CHRNA3: variants seen among roughly 807,000 people sequenced by gnomAD.
The protein encoded by CHRNA3 is cholinergic receptor nicotinic alpha 3 subunit.
CHRNA3 carries 34 observed loss-of-function variants against 41.9 expected under a neutral mutation model. The observed-to-expected ratio is 0.81, with a 90% CI of 0.62 to 1.08. The LOEUF (loss-of-function observed/expected upper bound fraction) is 1.08. CHRNA3 is among the 50% of genes least tolerant of loss of function. The pLI is 0.00. For missense variants in CHRNA3, 542 were observed against 638.3 expected (o/e 0.85, Z 1.63); for synonymous variants, 281 against 265.2 (o/e 1.06, Z -0.58).
At chr15:78,617,913 C>G (rs1471495975) in intron 3 of CHRNA3, among the ~76,000 whole-genome samples, 1 of 152,174 alleles carries the variant, frequency 6.6e-6, no homozygotes, top group Non-Finnish European at 1.5e-5. Context: ...AAATCTACTC[C>G]CACGCTACCA....
chr15:78,613,058 G>A (rs935408253), intron 4 of CHRNA3, among the ~76,000 whole-genome samples: 1 of 152,098 alleles, frequency 6.6e-6, no homozygotes, highest in Non-Finnish European at 1.5e-5. Context: ...ATCATTAAAA[G>A]GTCAGGAAAC....
At chr15:78,602,457 C>T (rs971896206) in intron 4 of CHRNA3, among the ~76,000 whole-genome samples, 193 bp from the exon 5 acceptor site, 2 of 152,216 alleles carry the variant, frequency 1.3e-5, no homozygotes, top group Non-Finnish European at 2.9e-5. Context: ...AGCTCCCTCC[C>T]CAACAACAAT....
chr15:78,616,870 T>C (rs1229746437), intron 4 of CHRNA3, among the ~76,000 whole-genome samples, 154 bp downstream of exon 4: 2 of 152,232 alleles, frequency 1.3e-5, no homozygotes, highest in Non-Finnish European at 2.9e-5. Context: ...GTACCTGGTA[T>C]GTAGTAGTTG....
At chr15:78,597,979 C>T (rs6495307) in intron 5 of CHRNA3, among the ~76,000 whole-genome samples, 58,892 of 151,870 alleles carry the variant, frequency 0.39, 11,786 homozygotes, top group Non-Finnish European at 0.42. Context: ...TGAGGTACTT[C>T]ATTTGAATTC....
chr15:78,596,175 T>G lies in CHRNA3; in HGVS notation c.*429A>C. ...GTAAGAAATGGGTAACGATGGGGGA[T>G]TGCTGAATTAGTATAAACCTTCAAA... On this transcript the variant is annotated 3_prime_UTR_variant, in exon 6 of 6. Coordinates refer to ENST00000326828, the MANE Select transcript of CHRNA3 (RefSeq NM_000743.5). 2 of 985,468 alleles carry G rather than the reference T, an allele frequency of 2.0e-6. No individual in the cohort carries two copies. Among genetic ancestry groups the G allele is most frequent in the Non-Finnish European group, 2.4e-6 (2 of 830,224 alleles). The allele number at this position is 985,468 out of a possible 1,614,324, so 61.0% of individuals were successfully genotyped here.
intron 5 of CHRNA3, among the ~76,000 whole-genome samples, chr15:78,599,150 AT>A (rs969516588): frequency 7.3e-5 from 11 of 151,316 alleles, no homozygotes; most frequent in Non-Finnish European, 1.5e-4. Flanking sequence ...TGATTTTTAA[AT>A]TTTTTTTGTA....
In CHRNA3 at chr15:78,602,176, T is replaced by G. The variant is rs1270313441; in HGVS notation, c.466A>C (p.Lys156Gln). The G allele has an allele frequency of 6.2e-7, 1 of 1,614,106 alleles. No individual in the cohort carries two copies. Among genetic ancestry groups the G allele is most frequent in the Non-Finnish European group, 8.5e-7 (1 of 1,180,002 alleles). Residue 156 changes from lysine to glutamine, a missense_variant, in exon 5 of 6, where the codon AAG (lysine) becomes CAG (glutamine). Coordinates refer to ENST00000326828, the MANE Select transcript of CHRNA3 (RefSeq NM_000743.5). Reference protein sequence around the residue: ...EVTWIPPAIFKSSCKIDVTYF... With the variant: ...EVTWIPPAIFQSSCKIDVTYF... ...GTCACGTCGATTTTACAGGAGCTCT[T>G]AAAGATGGCCGGAGGTATCCAAGTC... is the stretch of plus-strand genomic sequence containing the variant.
At chr15:78,595,168 G>T, downstream of CHRNA3, 1 of 421,146 alleles carries the variant, frequency 2.4e-6, no homozygotes, top group Non-Finnish European at 3.2e-6. Flanking sequence ...GATGAATTTA[G>T]ATTGCCTGCC....
At position 78,613,779 on chromosome 15, in the gene CHRNA3, A is replaced by C. The variant is rs1261537463; in HGVS notation, c.377+3245T>G. On this transcript the variant is annotated intron_variant, in intron 4 of 5. Coordinates refer to ENST00000326828, the MANE Select transcript of CHRNA3 (RefSeq NM_000743.5). ...TGGCAAACAAACAAAAAAAAAACCA[A>C]AAAAAACCACAAAAAAATTAGCCAG... Among the ~76,000 whole-genome samples the C allele has an allele frequency of 4.3e-4, 10 of 23,070 alleles. No homozygotes were observed. The East Asian group carries it at 0.023, about 54-fold the overall frequency. The allele number at this position is 23,070 out of a possible 152,430, so 15.1% of individuals were successfully genotyped here.
rs761120451 is a variant in CHRNA3, at chr15:78,596,669, G to A, written c.1453C>T (p.Leu485=). Residue 485 remains leucine, a synonymous_variant, in exon 6 of 6, where the codon CTG becomes TTG. Coordinates refer to ENST00000326828, the MANE Select transcript of CHRNA3 (RefSeq NM_000743.5). ...CCTGCTGTCCCTAGAATGCACACCAGGGTGAAAACCCACAGAAAAATACGA... is the reference window on the plus strand; with the variant it reads ...CCTGCTGTCCCTAGAATGCACACCAAGGTGAAAACCCACAGAAAAATACGA... The part of the protein sequence containing the change: ...IDRIFLWVFT[L]VCILGTAGLF... The A allele has an allele frequency of 6.2e-7, 1 of 1,613,126 alleles. No individual in the cohort carries two copies. The highest frequency in any genetic ancestry group is 8.5e-7 in the Non-Finnish European group (1 of 1,179,880).
chr15:78,613,732 TTAAA>T (rs1435488931), intron 4 of CHRNA3, among the ~76,000 whole-genome samples: 1 of 143,602 alleles, frequency 7.0e-6, no homozygotes, highest in African/African-American at 2.6e-5. Context: ...ATAATAAAAT[TTAAA>T]AAAAAACTGT....
rs1471159854 is a variant in CHRNA3 at position 78,618,713 on chromosome 15, T to C, written c.223-52A>G. On this transcript the variant is annotated intron_variant, in intron 2 of 5. Transcript: ENST00000326828. ...GAGAATTACAAAACAAGACTAATTC[T>C]GGGAAAGGCTCCTCCAGAAGCCCCG... 5 of 1,614,168 alleles carry C rather than the reference T, an allele frequency of 3.1e-6. No individual in the cohort carries two copies. In the East Asian group the frequency reaches 1.1e-4, roughly 36 times the overall value.
At chr15:78,601,219 T>C (rs1471585007) in intron 5 of CHRNA3, 34 bp downstream of exon 5, 2 of 1,592,664 alleles carry the variant, frequency 1.3e-6, no homozygotes, top group Non-Finnish European at 1.7e-6. Flanking sequence ...GTTGAATGAA[T>C]GAATGACCAA....
intron 1 of CHRNA3, chr15:78,619,183 A>G (rs2053512254): frequency 3.9e-6 from 2 of 516,340 alleles, no homozygotes; most frequent in Admixed American, 3.4e-5. Context: ...ATCTGGTGCA[A>G]ATCCTGACAA....
Position 78,601,466 on chromosome 15 carries a change from C to CT in CHRNA3, c.1175dup (p.Glu393GlyfsTer26), listed in dbSNP as rs1286867154. The CT allele has an allele frequency of 3.7e-6, 6 of 1,614,172 alleles. No individual in the cohort carries two copies. Among genetic ancestry groups the CT allele is most frequent in the Non-Finnish European group, 5.1e-6 (6 of 1,180,038 alleles). The stretch of plus-strand genomic sequence containing the variant: ...TCCCGTCCTGGCAGGGGTAGCCCTC[C>CT]TTGCAGCCTTTGGACTCTGCGCGGC... On this transcript the variant is annotated frameshift_variant, in exon 5 of 6. Transcript: ENST00000326828. LOFTEE classifies it high-confidence loss of function.
downstream of CHRNA3, chr15:78,595,227 A>G: frequency 1.1e-6 from 1 of 928,084 alleles, no homozygotes; most frequent in Non-Finnish European, 1.3e-6. Context: ...TTATACTACC[A>G]TTACTGTTAC....
At chr15:78,607,586 G>C (rs1356110549) in intron 4 of CHRNA3, 1 of 149,392 alleles carries the variant, frequency 6.7e-6, no homozygotes, top group Non-Finnish European at 1.5e-5. Flanking sequence ...AAAAAATTCG[G>C]GTGGAGCCAA....
In CHRNA3 at chr15:78,616,360, A is replaced by G. The variant is rs866878935; in HGVS notation, c.377+664T>C. Among the ~76,000 whole-genome samples, 6 of 56,888 alleles carry G rather than the reference A, an allele frequency of 1.1e-4. No individual in the cohort carries two copies. In the East Asian group the frequency reaches 2.2e-3, roughly 21 times the overall value. The allele number at this position is 56,888 out of a possible 152,430, so 37.3% of individuals were successfully genotyped here. The stretch of plus-strand genomic sequence containing the variant: ...AGTAAGACTCAGTCTTCCCCCCCCC[A>G]CCCCCCCAAAAAAAAAGCTCCTTGG... On this transcript the variant is annotated intron_variant, in intron 4 of 5. Transcript: ENST00000326828.
Position 78,618,864 on chromosome 15 carries a change from T to C in CHRNA3, c.134A>G (p.Asp45Gly). 5 of 1,614,048 alleles carry C rather than the reference T, an allele frequency of 3.1e-6. No individual in the cohort carries two copies. The highest frequency in any genetic ancestry group is 4.2e-6 in the Non-Finnish European group (5 of 1,180,014). ...TACAGGCCGGATGATCTCATTGTAA[T>C]CTTCAAACAGCCGCTCAAATAGACG... ...EHRLFERLFE[D>G]YNEIIRPVAN... The change falls in exon 2 of 6, where the codon GAT becomes GGT. Residue 45 changes from aspartate to glycine, a missense_variant. Transcript: ENST00000326828.
Sources: gnomAD v4.1 joint callset for allele counts (sites outside exome capture counted in the v4.1 genomes callset) on GRCh38, gnomAD v4.1.1 for gene constraint, MANE v1.5 for transcripts, NCBI Gene and HGNC (gene_info 2026-07-23, HGNC 2026-07-21) for gene names.